Variants in FBXO46 observed in about 807,000 individuals in gnomAD.
FBXO46 encodes the protein F-box only protein 46.
A neutral mutation model predicts 30.7 loss-of-function variants in FBXO46; 13 were observed. The ratio of observed to expected loss-of-function variants is 0.42; its 90% CI spans 0.28 to 0.67. The LOEUF (loss-of-function observed/expected upper bound fraction) is 0.67, where lower values mean the gene tolerates loss of function less well. FBXO46 is among the 30% of genes least tolerant of loss of function. The pLI, the probability that FBXO46 is intolerant of heterozygous loss-of-function variation, is 0.21. For synonymous variants in FBXO46, 467 were observed against 385.8 expected (o/e 1.21, Z -2.47); for missense variants, 754 against 871.5 (o/e 0.87, Z 1.70).
intron 1 of FBXO46, among the ~76,000 whole-genome samples, chr19:45,721,928 C>T (rs1568548512): frequency 6.6e-6 from 1 of 151,872 alleles, no homozygotes; most frequent in Non-Finnish European, 1.5e-5. Flanking sequence ...GTAACCTCCA[C>T]CTCCCCTGCC....
intron 1 of FBXO46, chr19:45,714,371 TTTTC>T (rs1226840661): frequency 6.6e-6 from 1 of 151,798 alleles, no homozygotes. Context: ...AGAAATCGGC[TTTTC>T]TTTTTTTTTT....
At chr19:45,730,290 G>A (rs7251195) in intron 1 of FBXO46, among the ~76,000 whole-genome samples, 2,004 of 151,952 alleles carry the variant, frequency 0.013, 50 homozygotes, top group African/African-American at 0.047. Flanking sequence ...GCGGGACTAG[G>A]GAAATTATCA....
chr19:45,711,701 G>A lies in FBXO46; in HGVS notation c.1795C>T (p.Arg599Trp). The A allele has an allele frequency of 6.6e-7, 1 of 1,520,746 alleles. No homozygotes were observed. The highest frequency in any genetic ancestry group is 1.2e-5 in the South Asian group (1 of 83,744). 94.2% of individuals were successfully genotyped at this position (1,520,746 alleles called of 1,614,324 possible). Residue 599 changes from arginine to tryptophan, a missense_variant, in exon 2 of 2, where the codon CGG becomes TGG. By Grantham distance (101) the Arg-to-Trp change is moderately radical. Coordinates refer to ENST00000317683, the MANE Select transcript of FBXO46 (RefSeq NM_001080469.2). Reference sequence around the variant, plus strand: ...CCCCGGCTTCACCTCCCCTCCTCCCGGCCGGCCCGGCCCCCGCCTGGCCCA... The same window carrying A: ...CCCCGGCTTCACCTCCCCTCCTCCCAGCCGGCCCGGCCCCCGCCTGGCCCA... Reference protein sequence around the residue: ...CNGPGGGRAGREEGR With the variant: ...CNGPGGGRAGWEEGR
chr19:45,720,208 C>G (rs1399134072), intron 1 of FBXO46, among the ~76,000 whole-genome samples: 1 of 152,128 alleles, frequency 6.6e-6, no homozygotes, highest in East Asian at 1.9e-4. Context: ...ACTGCAATCA[C>G]TGCAACCTCT....
chr19:45,716,479 A>T (rs910445266), intron 1 of FBXO46: 1 of 152,104 alleles, frequency 6.6e-6, no homozygotes, highest in African/African-American at 2.4e-5. Flanking sequence ...TCCAGCACTG[A>T]AGGGCCGAAT....
At chr19:45,731,166 C>G (rs909999024), upstream of FBXO46, among the ~76,000 whole-genome samples, 1 of 152,124 alleles carries the variant, frequency 6.6e-6, no homozygotes, top group African/African-American at 2.4e-5. Flanking sequence ...TTGCCCGAGG[C>G]CCTTGGGAAG....
rs762712968 is a variant in FBXO46, at chr19:45,711,629, C to T, written c.*55G>A. 4 of 1,388,608 alleles carry T rather than the reference C, an allele frequency of 2.9e-6. No homozygotes were observed. The highest frequency in any genetic ancestry group is 2.0e-5 in the Admixed American group (1 of 50,760). 86.0% of individuals were successfully genotyped at this position (1,388,608 alleles called of 1,614,324 possible). On this transcript the variant is annotated 3_prime_UTR_variant, in exon 2 of 2. Transcript: ENST00000317683. ...CGGCCCAGTCCGGACCCTCGGCTCC[C>T]GGGGGGAGAGGGGAGGGGTGGGCGT... is the stretch of plus-strand genomic sequence containing the variant.
At chr19:45,731,707 A>T (rs1270226232), upstream of FBXO46, among the ~76,000 whole-genome samples, 1 of 152,100 alleles carries the variant, frequency 6.6e-6, no homozygotes, top group Non-Finnish European at 1.5e-5. Flanking sequence ...AGTCCACATC[A>T]TAGAATAGCA....
intron 1 of FBXO46, chr19:45,716,179 C>A (rs181748427): frequency 6.6e-6 from 1 of 152,224 alleles, no homozygotes; most frequent in African/African-American, 2.4e-5. Context: ...GCATACTCAA[C>A]TGATAAGTAT....
upstream of FBXO46, among the ~76,000 whole-genome samples, chr19:45,731,463 C>T (rs2146166108): frequency 6.6e-6 from 1 of 151,960 alleles, no homozygotes; most frequent in South Asian, 2.1e-4. Flanking sequence ...ATTACAGGAG[C>T]CCGCCACCAC....
intron 1 of FBXO46, among the ~76,000 whole-genome samples, chr19:45,726,551 G>A (rs912479775): frequency 6.6e-6 from 1 of 152,036 alleles, no homozygotes; most frequent in Non-Finnish European, 1.5e-5. Flanking sequence ...GGGAGGCTGA[G>A]GCAGGAGAAT....
rs1967961098 is a variant in FBXO46, at chr19:45,711,447, A to G, written c.*237T>C. On this transcript the variant is annotated 3_prime_UTR_variant, in exon 2 of 2. Coordinates refer to ENST00000317683, the MANE Select transcript of FBXO46 (RefSeq NM_001080469.2). ...AGAAGAAAGTGAGATGCTGATAAAA[A>G]AAAAAAAAACACCCTTCTCAGAGGG... The G allele has an allele frequency of 1.5e-6, 1 of 680,302 alleles. No individual in the cohort carries two copies. The highest frequency in any genetic ancestry group is 2.1e-5 in the Admixed American group (1 of 47,400). 42.1% of individuals were successfully genotyped at this position (680,302 alleles called of 1,614,324 possible).
At position 45,711,319 on chromosome 19, in the gene FBXO46, A is replaced by C. The variant is rs1423380566; in HGVS notation, c.*365T>G. 14 of 458,346 alleles carry C rather than the reference A, an allele frequency of 3.1e-5. No individual in the cohort carries two copies. The highest frequency in any genetic ancestry group is 4.2e-6 in the Non-Finnish European group (1 of 238,764). The allele number at this position is 458,346 out of a possible 1,614,324, so 28.4% of individuals were successfully genotyped here. On this transcript the variant is annotated 3_prime_UTR_variant, in exon 2 of 2. Coordinates refer to ENST00000317683, the MANE Select transcript of FBXO46 (RefSeq NM_001080469.2). ...GGTGAGGGAGAGGATGGGGGCCAGAATGGGGGGACCCTTAAGTGGTACCAA... is the reference window on the plus strand; with the variant it reads ...GGTGAGGGAGAGGATGGGGGCCAGACTGGGGGGACCCTTAAGTGGTACCAA...
rs767273641 is a variant in FBXO46, at chr19:45,712,373, C to T, written c.1123G>A (p.Asp375Asn). The change falls in exon 2 of 2, where the codon GAT becomes AAT. Residue 375 changes from aspartate to asparagine, a missense_variant. This residue lies in a region of FBXO46 where 454 missense variants were observed against 426.5 expected (regional missense o/e 1.06). Transcript: ENST00000317683. This position sits in a 1 kb window ranked among gnomAD's most constrained non-coding sequence, Gnocchi z 8.8. ...HVDVVVTGVV[D>N]ECIFFGKDGT... ...TCCTTGCCAAAGAAGATGCACTCATCTACCACGCCCGTCACCACCACGTCC... is the reference window on the plus strand; with the variant it reads ...TCCTTGCCAAAGAAGATGCACTCATTTACCACGCCCGTCACCACCACGTCC... 6.2e-7 allele frequency: 1 copy of T among 1,603,684 alleles called. No homozygotes were observed. The highest frequency in any genetic ancestry group is 1.1e-5 in the South Asian group (1 of 91,086).
chr19:45,730,386 T>C (rs1968293195), intron 1 of FBXO46, among the ~76,000 whole-genome samples: 1 of 151,816 alleles, frequency 6.6e-6, no homozygotes, highest in African/African-American at 2.4e-5. Flanking sequence ...CACTGATTTC[T>C]CCCTCCTACC....
At chr19:45,714,030 G>T (rs188708504) in intron 1 of FBXO46, among the ~76,000 whole-genome samples, 1 of 148,440 alleles carries the variant, frequency 6.7e-6, no homozygotes, top group East Asian at 2.0e-4. Flanking sequence ...TGAGCAGACA[G>T]AGGTTGCAGA....
intron 1 of FBXO46, among the ~76,000 whole-genome samples, chr19:45,722,022 C>T (rs1373026360): frequency 6.6e-6 from 1 of 152,084 alleles, no homozygotes; most frequent in African/African-American, 2.4e-5. Context: ...CAGGGTTTCA[C>T]CATGTTGGCC....
Position 45,712,632 on chromosome 19 carries a change from A to C in FBXO46, c.864T>G (p.Cys288Trp). The change falls in exon 2 of 2, where the codon TGT becomes TGG. Residue 288 changes from cysteine (C) to tryptophan (W), a missense_variant. By Grantham distance (215) the Cys-to-Trp change is radical. Around this residue, in one of 5 missense-constraint regions of FBXO46, gnomAD observed 454 missense variants for 426.5 expected, o/e 1.06. Coordinates refer to ENST00000317683, the MANE Select transcript of FBXO46 (RefSeq NM_001080469.2). The surrounding 1 kb of genome is among the most constrained non-coding windows in gnomAD (Gnocchi z 8.8). Reference sequence around the variant, plus strand: ...CAGGACCTGGGCTGCCAGGGTAGGCACAACCAGGCCTGCCCCCGCCCCCAC... The same window carrying C: ...CAGGACCTGGGCTGCCAGGGTAGGCCCAACCAGGCCTGCCCCCGCCCCCAC... Reference protein sequence around the residue: ...LPSGGGGRPGCAYPGSPGPGA... With the variant: ...LPSGGGGRPGWAYPGSPGPGA... The C allele has an allele frequency of 6.2e-7, 1 of 1,602,844 alleles. No individual in the cohort carries two copies. Among genetic ancestry groups the C allele is most frequent in the Non-Finnish European group, 8.5e-7 (1 of 1,174,476 alleles).
chr19:45,723,500 A>G (rs1468954172), intron 1 of FBXO46: 3 of 152,206 alleles, frequency 2.0e-5, no homozygotes, highest in African/African-American at 7.2e-5. Context: ...ATGAGAGGTG[A>G]AGCCAGGACT....
Sources: gnomAD v4.1 joint callset for allele counts (sites outside exome capture counted in the v4.1 genomes callset) on GRCh38, gnomAD v4.1.1 for gene constraint, gnomAD v4.1.1 regional missense constraint, Gnocchi (gnomAD v3.1) non-coding constraint, MANE v1.5 for transcripts, NCBI Gene and HGNC (gene_info 2026-07-23, HGNC 2026-07-21) for gene names.